The following ZNF704 variants were observed in gnomAD, a reference collection of about 807,000 sequenced individuals.
The protein encoded by ZNF704 is glucocorticoid induced gene 1.
A neutral mutation model predicts 44.7 loss-of-function variants in ZNF704; 10 were observed. The observed-to-expected ratio is 0.22, with a 90% confidence interval of 0.14 to 0.38. ZNF704 has a LOEUF of 0.38. ZNF704 is among the 10% of genes least tolerant of loss of function. The probability of loss-of-function intolerance (pLI) is 1.00; values close to 1 mark genes in which losing one functional copy is unlikely to be tolerated. For synonymous variants in ZNF704, 211 were observed against 207.6 expected, an observed-to-expected ratio of 1.02 and a Z score of -0.14; for missense variants, 390 against 545.5, an observed-to-expected ratio of 0.71 and a Z score of 2.84.
chr8:80,865,744 C>T (rs770060262), intron 1 of ZNF704, among the ~76,000 whole-genome samples: 3 of 152,164 alleles, frequency 2.0e-5, no homozygotes, highest in Non-Finnish European at 4.4e-5. Context: ...GGCACGGAGA[C>T]CTCCATGGAG....
intron 2 of ZNF704, among the ~76,000 whole-genome samples, chr8:80,708,572 G>C (rs1485164488): frequency 6.6e-6 from 1 of 152,230 alleles, no homozygotes; most frequent in Non-Finnish European, 1.5e-5. Context: ...ATTTAATGTG[G>C]AAAGCATTGC....
chr8:80,708,452 A>C (rs1287300055), intron 2 of ZNF704, among the ~76,000 whole-genome samples: 1 of 152,270 alleles, frequency 6.6e-6, no homozygotes, highest in Non-Finnish European at 1.5e-5. Context: ...CTTAGGCAAA[A>C]GCCAAGTGAA....
At chr8:80,670,267 C>A (rs1272919495) in intron 5 of ZNF704, among the ~76,000 whole-genome samples, 1 of 152,184 alleles carries the variant, frequency 6.6e-6, no homozygotes, top group Non-Finnish European at 1.5e-5. Flanking sequence ...CAGCAGCTTG[C>A]CTAAAGTGAC....
chr8:80,860,951 G>A (rs746191667), intron 1 of ZNF704, among the ~76,000 whole-genome samples: 57 of 152,206 alleles, frequency 3.7e-4, no homozygotes, highest in Admixed American at 8.5e-4. Flanking sequence ...AATGAGAGAT[G>A]GGTGGTGGGG....
intron 1 of ZNF704, among the ~76,000 whole-genome samples, chr8:80,873,863 G>A (rs1434575020): frequency 6.9e-6 from 1 of 145,798 alleles, no homozygotes; most frequent in Non-Finnish European, 1.5e-5. Flanking sequence ...GCGCGGCGGC[G>A]GCGGCAGCGG....
chr8:80,667,293 C>T (rs1210639917), intron 5 of ZNF704, among the ~76,000 whole-genome samples: 4 of 152,194 alleles, frequency 2.6e-5, no homozygotes, highest in Non-Finnish European at 4.4e-5. Context: ...TGGGGGTTTT[C>T]AGAACTCTAA....
At chr8:80,651,938 G>GT (rs1817927076) in intron 7 of ZNF704, among the ~76,000 whole-genome samples, 1 of 152,050 alleles carries the variant, frequency 6.6e-6, no homozygotes, top group African/African-American at 2.4e-5. Flanking sequence ...CTCAGCAAAT[G>GT]TAAAAGAACA....
intron 1 of ZNF704, among the ~76,000 whole-genome samples, chr8:80,830,643 T>TGAGG (rs2129924409): frequency 6.6e-6 from 1 of 150,672 alleles, no homozygotes; most frequent in South Asian, 2.1e-4. Flanking sequence ...ACAATAGAGC[T>TGAGG]GAGGAAGGAA....
chr8:80,788,772 A>G (rs1414319423), intron 2 of ZNF704, among the ~76,000 whole-genome samples: 1 of 152,034 alleles, frequency 6.6e-6, no homozygotes, highest in Non-Finnish European at 1.5e-5. Context: ...TGAAGGGGGG[A>G]AAACAAATTT....
intron 1 of ZNF704, among the ~76,000 whole-genome samples, chr8:80,840,528 G>A (rs187130261): frequency 1.5e-3 from 228 of 152,134 alleles, no homozygotes; most frequent in African/African-American, 5.3e-3. Flanking sequence ...AAGCCCTTAC[G>A]AAGTATAAGA....
intron 6 of ZNF704, among the ~76,000 whole-genome samples, chr8:80,663,887 G>A (rs1433658285): frequency 6.6e-6 from 1 of 151,608 alleles, no homozygotes; most frequent in Non-Finnish European, 1.5e-5. Flanking sequence ...GCACCACCAT[G>A]CCTGGCTAAT....
chr8:80,667,150 A>G (rs996610872), intron 5 of ZNF704, among the ~76,000 whole-genome samples: 1 of 152,114 alleles, frequency 6.6e-6, no homozygotes, highest in African/African-American at 2.4e-5. Context: ...GGCCTGGCAG[A>G]GAGGCCAGAG....
At position 80,872,080 on chromosome 8, in the gene ZNF704, A is replaced by G. The variant is rs564949306; in HGVS notation, c.-22+2491T>C. ...ATTGTGCAATCACTATTCAAACCACAGGACACACTTTCAGTATTTCTGGAC... is the reference window on the plus strand; with the variant it reads ...ATTGTGCAATCACTATTCAAACCACGGGACACACTTTCAGTATTTCTGGAC... On this transcript the variant is annotated intron_variant, in intron 1 of 8. Coordinates refer to ENST00000327835, the MANE Select transcript of ZNF704 (RefSeq NM_001033723.3). 8.5e-5 allele frequency among the ~76,000 whole-genome samples: 13 copies of G among 152,366 alleles called. No homozygotes were observed. In the South Asian group the frequency reaches 2.7e-3, roughly 32 times the overall value.
At chr8:80,787,196 C>T (rs1807629083) in intron 2 of ZNF704, among the ~76,000 whole-genome samples, 1 of 152,224 alleles carries the variant, frequency 6.6e-6, no homozygotes, top group Admixed American at 6.5e-5. Flanking sequence ...GGGATACCAT[C>T]CAAGGAAATC....
intron 2 of ZNF704, among the ~76,000 whole-genome samples, chr8:80,760,280 G>T (rs760025068): frequency 1.3e-5 from 2 of 152,182 alleles, no homozygotes; most frequent in Admixed American, 1.3e-4. Flanking sequence ...TGGAACCTAA[G>T]ATCCAGTGTG....
rs150294092 is a variant in ZNF704 at position 80,723,348 on chromosome 8, T to C, written c.222-30241A>G. On this transcript the variant is annotated intron_variant, in intron 2 of 8. Transcript: ENST00000327835. Reference sequence around the variant, plus strand: ...TACTAGTAACTGTAAGTATAACTCATACCAGAAAAAAACGTTAAACCGTCA... The same window carrying C: ...TACTAGTAACTGTAAGTATAACTCACACCAGAAAAAAACGTTAAACCGTCA... Among the ~76,000 whole-genome samples, 9 of 152,242 alleles carry C rather than the reference T, an allele frequency of 5.9e-5. No individual in the cohort carries two copies. The East Asian group carries it at 1.5e-3, about 26-fold the overall frequency.
chr8:80,738,860 G>A (rs1391566665), intron 2 of ZNF704, among the ~76,000 whole-genome samples: 2 of 152,102 alleles, frequency 1.3e-5, no homozygotes, highest in African/African-American at 4.8e-5. Flanking sequence ...TGTCCTGAAT[G>A]TCTATCATGG....
intron 2 of ZNF704, among the ~76,000 whole-genome samples, chr8:80,754,849 G>C (rs1298327320): frequency 6.6e-6 from 1 of 152,122 alleles, no homozygotes; most frequent in African/African-American, 2.4e-5. Flanking sequence ...CCTGTGGATG[G>C]GCATGAAGCA....
At chr8:80,868,608 T>C (rs1586087619) in intron 1 of ZNF704, among the ~76,000 whole-genome samples, 1 of 152,240 alleles carries the variant, frequency 6.6e-6, no homozygotes, top group East Asian at 1.9e-4. Flanking sequence ...GATTCCCAAG[T>C]CATAAATTTT....
Sources: gnomAD v4.1 joint callset for allele counts (sites outside exome capture counted in the v4.1 genomes callset) on GRCh38, gnomAD v4.1.1 for gene constraint, MANE v1.5 for transcripts, NCBI Gene and HGNC (gene_info 2026-07-23, HGNC 2026-07-21) for gene names.